FOXP1: variants seen among roughly 807,000 people sequenced by gnomAD.
FOXP1 encodes forkhead box P1, also known as forkhead box protein P1.
In FOXP1, 15 loss-of-function variants were observed where a neutral mutation model predicts 98.2. That is an observed-to-expected ratio of 0.15 (90% CI 0.10 to 0.24). The LOEUF (loss-of-function observed/expected upper bound fraction) is 0.24, where lower values mean the gene tolerates loss of function less well. Among genes scored for constraint, FOXP1 ranks in the 10% least tolerant of loss-of-function variants. The pLI is 1.00. For missense variants in FOXP1, 633 were observed against 848.5 expected, an observed-to-expected ratio of 0.75 and a Z score of 3.15; for synonymous variants, 371 against 314.5, an observed-to-expected ratio of 1.18 and a Z score of -1.90.
chr3:71,440,597 G>A lies in FOXP1; in HGVS notation c.-168+52829C>T, dbSNP rs2085837245. 2.0e-5 allele frequency among the ~76,000 whole-genome samples: 3 copies of A among 151,938 alleles called. No individual in the cohort carries two copies. The South Asian group carries it at 6.2e-4, about 32-fold the overall frequency. On this transcript the variant is annotated intron_variant, in intron 3 of 20. Coordinates refer to ENST00000649528, the MANE Select transcript of FOXP1 (RefSeq NM_001349338.3). ...GGAGCCTGAGGCAGAAGAATCGGCT[G>A]AGGCAGAAGAATCACTTGAACCCGG...
chr3:71,330,839 A>G (rs570234909), intron 4 of FOXP1, among the ~76,000 whole-genome samples: 88 of 152,382 alleles, frequency 5.8e-4, no homozygotes, highest in Non-Finnish European at 9.6e-4. Context: ...AATCTTGCTG[A>G]GTCCCCACAT....
At chr3:71,445,761 C>T (rs933168522) in intron 3 of FOXP1, among the ~76,000 whole-genome samples, 3 of 150,322 alleles carry the variant, frequency 2.0e-5, no homozygotes, top group East Asian at 1.9e-4. Flanking sequence ...AATCTCAGCT[C>T]ACTGCAACCC....
chr3:70,992,620 A>T (rs1475838317), intron 13 of FOXP1, among the ~76,000 whole-genome samples: 2 of 152,090 alleles, frequency 1.3e-5, no homozygotes, highest in East Asian at 3.9e-4. Flanking sequence ...GGCTCATTGC[A>T]CCCCAATCGA....
chr3:71,452,169 T>C (rs1262478506), intron 3 of FOXP1, among the ~76,000 whole-genome samples: 1 of 152,168 alleles, frequency 6.6e-6, no homozygotes, highest in Non-Finnish European at 1.5e-5. Context: ...TATCCATTTC[T>C]AATACCTACC....
chr3:71,233,245 G>A (rs1273818120), intron 5 of FOXP1, among the ~76,000 whole-genome samples: 1 of 147,804 alleles, frequency 6.8e-6, no homozygotes, highest in Admixed American at 6.7e-5. Context: ...GGAGGGAAGG[G>A]GAGAGGAGGG....
At chr3:71,058,864 C>T (rs907044560) in intron 7 of FOXP1, among the ~76,000 whole-genome samples, 2 of 151,152 alleles carry the variant, frequency 1.3e-5, no homozygotes, top group African/African-American at 4.9e-5. Context: ...AAACACACTT[C>T]TGATATAATA....
chr3:71,099,074 C>G (rs1179989945), intron 7 of FOXP1, among the ~76,000 whole-genome samples: 1 of 152,166 alleles, frequency 6.6e-6, no homozygotes, highest in Non-Finnish European at 1.5e-5. Context: ...GCCTGATGTC[C>G]TCCCATCAAT....
At chr3:71,034,723 A>C (rs1018073969) in intron 11 of FOXP1, among the ~76,000 whole-genome samples, 4 of 152,044 alleles carry the variant, frequency 2.6e-5, no homozygotes, top group African/African-American at 9.7e-5. Flanking sequence ...CAGAACCTTA[A>C]ATTTGTGTCT....
At chr3:71,103,354 C>A (rs1472571643) in intron 7 of FOXP1, among the ~76,000 whole-genome samples, 1 of 152,154 alleles carries the variant, frequency 6.6e-6, no homozygotes, top group African/African-American at 2.4e-5. Context: ...ACATCTCTGA[C>A]CCAATAGAAA....
chr3:71,014,009 T>C (rs1576159594), intron 12 of FOXP1, among the ~76,000 whole-genome samples: 1 of 152,136 alleles, frequency 6.6e-6, no homozygotes, highest in Non-Finnish European at 1.5e-5. Context: ...TCAAGATGGA[T>C]TAAAGACTTA....
intron 7 of FOXP1, chr3:71,065,025 C>CCGCGCCGCGCCGCGCCGCG (rs2052240575): frequency 7.0e-6 from 1 of 142,608 alleles, no homozygotes. Context: ...CTCTAAACAC[C>CCGCGCCGCGCCGCGCCGCG]CCGCGCCGCG....
At chr3:71,479,210 T>C (rs1363554105) in intron 3 of FOXP1, among the ~76,000 whole-genome samples, 2 of 152,174 alleles carry the variant, frequency 1.3e-5, no homozygotes, top group Admixed American at 6.5e-5. Flanking sequence ...CCTTTACTTC[T>C]ACACAGTTAC....
intron 6 of FOXP1, among the ~76,000 whole-genome samples, chr3:71,120,893 T>C (rs948133170): frequency 1.3e-5 from 2 of 152,250 alleles, no homozygotes; most frequent in Non-Finnish European, 2.9e-5. Flanking sequence ...CGATTATGTA[T>C]ATTCCTTGCT....
At chr3:71,088,801 C>T (rs763799506) in intron 7 of FOXP1, among the ~76,000 whole-genome samples, 23 of 152,132 alleles carry the variant, frequency 1.5e-4, no homozygotes, top group Non-Finnish European at 2.6e-4. Flanking sequence ...TAGGGGGAAA[C>T]GCTGGAGGAA....
At chr3:71,168,867 CTT>C (rs1044507021) in intron 6 of FOXP1, among the ~76,000 whole-genome samples, 2 of 152,030 alleles carry the variant, frequency 1.3e-5, no homozygotes, top group Non-Finnish European at 2.9e-5. Flanking sequence ...ACAGGGGAAA[CTT>C]AAGATAAGGA....
At chr3:71,123,694 T>C (rs1475668453) in intron 6 of FOXP1, among the ~76,000 whole-genome samples, 1 of 152,178 alleles carries the variant, frequency 6.6e-6, no homozygotes, top group African/African-American at 2.4e-5. Context: ...GGCTTTTAGG[T>C]CCAGTGGGAT....
intron 6 of FOXP1, 166 bp downstream of exon 6, chr3:71,198,036 A>T: frequency 6.2e-7 from 1 of 1,614,112 alleles, no homozygotes. Context: ...AACTGCTGGG[A>T]CTCCTAGAGG....
chr3:71,057,675 TA>T (rs1184828411), intron 7 of FOXP1, among the ~76,000 whole-genome samples: 1 of 151,922 alleles, frequency 6.6e-6, no homozygotes, highest in African/African-American at 2.4e-5. Flanking sequence ...AAACTGAATT[TA>T]AAAAAACGCA....
intron 3 of FOXP1, among the ~76,000 whole-genome samples, chr3:71,414,005 T>A (rs1012314498): frequency 2.0e-5 from 3 of 151,700 alleles, no homozygotes; most frequent in Non-Finnish European, 4.4e-5. Flanking sequence ...AAGGAAAGAT[T>A]CAAAGCCATC....
Sources: gnomAD v4.1 joint callset for allele counts (sites outside exome capture counted in the v4.1 genomes callset) on GRCh38, gnomAD v4.1.1 for gene constraint, MANE v1.5 for transcripts, NCBI Gene and HGNC (gene_info 2026-07-23, HGNC 2026-07-21) for gene names.